ATP10B: variants seen among roughly 807,000 people sequenced by gnomAD.
ATP10B encodes the protein phospholipid-transporting ATPase VB.
In ATP10B, 122 loss-of-function variants were observed where a neutral mutation model predicts 141.2. The observed-to-expected ratio is 0.86, with a 90% CI of 0.75 to 1.00. ATP10B has a LOEUF of 1.00. Ranked by LOEUF, ATP10B falls within the 50% of genes least tolerant of loss-of-function variation. The pLI, the probability that ATP10B is intolerant of heterozygous loss-of-function variation, is 0.00. For synonymous variants in ATP10B, 685 were observed against 692.0 expected, an observed-to-expected ratio of 0.99 and a Z score of 0.16; for missense variants, 1,876 against 1,825.3, an observed-to-expected ratio of 1.03 and a Z score of -0.51.
chr5:160,908,914 C>A, the ATP10B span, among the ~76,000 whole-genome samples: 1 of 152,168 alleles, frequency 6.6e-6, no homozygotes, highest in East Asian at 1.9e-4. Flanking sequence ...AGTTCTGACC[C>A]TAACTTCCTT....
chr5:160,667,197 G>A (rs1338951917), intron 7 of ATP10B, among the ~76,000 whole-genome samples: 1 of 152,002 alleles, frequency 6.6e-6, no homozygotes, highest in East Asian at 1.9e-4. Flanking sequence ...CAGCTTGGGC[G>A]ACAGAGCAAG....
intron 7 of ATP10B, among the ~76,000 whole-genome samples, chr5:160,668,204 T>C (rs1358988245): frequency 7.7e-5 from 10 of 129,050 alleles, no homozygotes; most frequent in Admixed American, 2.7e-4. Context: ...TACTCTAGCT[T>C]GGGTAACAGA....
At chr5:160,863,205 C>A in the ATP10B span, among the ~76,000 whole-genome samples, 1 of 151,862 alleles carries the variant, frequency 6.6e-6, no homozygotes, top group Non-Finnish European at 1.5e-5. Context: ...TTATGGAAGA[C>A]AGGGATAATA....
At chr5:160,723,697 G>A (rs1488441377) in intron 2 of ATP10B, among the ~76,000 whole-genome samples, 1 of 152,026 alleles carries the variant, frequency 6.6e-6, no homozygotes, top group African/African-American at 2.4e-5. Flanking sequence ...GAAATACCAT[G>A]TTATTTACAC....
At chr5:160,665,488 A>G (rs957489462) in intron 7 of ATP10B, among the ~76,000 whole-genome samples, 8 of 152,242 alleles carry the variant, frequency 5.3e-5, no homozygotes, top group African/African-American at 1.9e-4. Context: ...GCTCAGGGCT[A>G]AAGAAAGTTT....
chr5:160,757,937 A>G (rs1768751286), intron 2 of ATP10B, among the ~76,000 whole-genome samples: 1 of 152,154 alleles, frequency 6.6e-6, no homozygotes, highest in South Asian at 2.1e-4. Flanking sequence ...CCGACTCCCA[A>G]GTGTGGCAAC....
intron 2 of ATP10B, among the ~76,000 whole-genome samples, chr5:160,784,422 G>A (rs1770981424): frequency 6.6e-6 from 1 of 152,188 alleles, no homozygotes; most frequent in East Asian, 1.9e-4. Context: ...TGCCTTTTCA[G>A]GCAGGTGGAG....
intron 6 of ATP10B, among the ~76,000 whole-genome samples, chr5:160,673,528 G>GTTTTT (rs1202041912): frequency 3.5e-5 from 1 of 28,734 alleles, no homozygotes; most frequent in Non-Finnish European, 6.6e-5. Context: ...ATTCTATTTT[G>GTTTTT]TTTTGTTTTT....
intron 1 of ATP10B, among the ~76,000 whole-genome samples, chr5:160,829,420 G>A (rs1480327586): frequency 6.6e-6 from 1 of 152,018 alleles, no homozygotes; most frequent in Non-Finnish European, 1.5e-5. Flanking sequence ...TTTTGCTCAG[G>A]ATTGCTATTT....
At chr5:160,786,065 G>A (rs542093154) in intron 1 of ATP10B, among the ~76,000 whole-genome samples, 1 of 152,238 alleles carries the variant, frequency 6.6e-6, no homozygotes, top group East Asian at 1.9e-4. Flanking sequence ...ATGCCTAATT[G>A]CTCCATGAAA....
intron 3 of ATP10B, among the ~76,000 whole-genome samples, chr5:160,699,865 A>G (rs1323399792): frequency 6.6e-6 from 1 of 152,142 alleles, no homozygotes; most frequent in African/African-American, 2.4e-5. Flanking sequence ...GATTTTTTAA[A>G]AAGTCAATAT....
In ATP10B at chr5:160,634,562, C is replaced by T. The variant is rs1355246990; in HGVS notation, c.1173G>A (p.Lys391=). 2 of 1,613,894 alleles carry T rather than the reference C, an allele frequency of 1.2e-6. No individual in the cohort carries two copies. The highest frequency in any genetic ancestry group is 1.7e-6 in the Non-Finnish European group (2 of 1,179,944). Residue 391 remains lysine, a synonymous_variant, in exon 12 of 26, where the codon AAG becomes AAA. Coordinates refer to ENST00000327245, the MANE Select transcript of ATP10B (RefSeq NM_025153.3). ...TGCTCAAGAAGAACACTTGCCCGAG[C>T]TTCACCAGCTCAATGGAGACATACA... ...ISLYVSIELV[K]LGQVFFLSND... is the part of the protein sequence containing the mutation.
intron 6 of ATP10B, among the ~76,000 whole-genome samples, chr5:160,680,688 C>T (rs899261993): frequency 6.6e-6 from 1 of 152,212 alleles, no homozygotes; most frequent in African/African-American, 2.4e-5. Context: ...GCTTTTACAT[C>T]TTCCTGGAAT....
chr5:160,835,831 T>C (rs928102770), intron 1 of ATP10B, among the ~76,000 whole-genome samples: 4 of 152,148 alleles, frequency 2.6e-5, no homozygotes, highest in African/African-American at 4.8e-5. Flanking sequence ...TGCCCTCTGA[T>C]TGGTAGTCAC....
intron 18 of ATP10B, among the ~76,000 whole-genome samples, chr5:160,610,228 C>A (rs751628531): frequency 6.6e-6 from 1 of 152,194 alleles, no homozygotes; most frequent in African/African-American, 2.4e-5. Flanking sequence ...ATTTGGTGCT[C>A]TTTCTCACTT....
Position 160,846,735 on chromosome 5 carries a change from T to C in ATP10B, c.-576+5206A>G, listed in dbSNP as rs73307820. Among the ~76,000 whole-genome samples, 435 of 152,302 alleles carry C rather than the reference T, an allele frequency of 2.9e-3. 2 individuals are homozygous for C. Among genetic ancestry groups the C allele is most frequent in the African/African-American group, 0.01 (422 of 41,568 alleles). On this transcript the variant is annotated intron_variant, in intron 1 of 25. Coordinates refer to ENST00000327245, the MANE Select transcript of ATP10B (RefSeq NM_025153.3). ...TTCACATGGTTCAACTCATATGAAA[T>C]GCTGATAACAATGTCAAGTGTTTTT...
intron 10 of ATP10B, among the ~76,000 whole-genome samples, chr5:160,637,348 T>C (rs1352107724): frequency 6.6e-6 from 1 of 152,180 alleles, no homozygotes; most frequent in Non-Finnish European, 1.5e-5. Flanking sequence ...CATTCATCCA[T>C]CCATCCATCT....
At chr5:160,694,083 C>T (rs1438254398) in intron 3 of ATP10B, among the ~76,000 whole-genome samples, 1 of 152,152 alleles carries the variant, frequency 6.6e-6, no homozygotes, top group Non-Finnish European at 1.5e-5. Context: ...ATTGTGAGTG[C>T]GGATTCCAAG....
rs1379590281 is a variant in ATP10B, at chr5:160,812,016, GAGAC to G, written c.-575-26217_-575-26214del. On this transcript the variant is annotated intron_variant, in intron 1 of 25. Coordinates refer to ENST00000327245, the MANE Select transcript of ATP10B (RefSeq NM_025153.3). Reference sequence around the variant, plus strand: ...GAACAGAGAGACAGAGACAGAGACAGAGACAGAGAGAGAGAGAGAGAGAGAGAGA... The same window carrying G: ...GAACAGAGAGACAGAGACAGAGACAGAGAGAGAGAGAGAGAGAGAGAGAGA... 5.0e-3 allele frequency among the ~76,000 whole-genome samples: 263 copies of G among 52,638 alleles called. 1 individual carries two copies. Among genetic ancestry groups the G allele is most frequent in the Middle Eastern group, 0.045 (5 of 110 alleles). 34.5% of individuals were successfully genotyped at this position (52,638 alleles called of 152,430 possible).
Sources: gnomAD v4.1 joint callset for allele counts (sites outside exome capture counted in the v4.1 genomes callset) on GRCh38, gnomAD v4.1.1 for gene constraint, MANE v1.5 for transcripts, NCBI Gene and HGNC (gene_info 2026-07-23, HGNC 2026-07-21) for gene names.